CHD6: variants seen among roughly 807,000 people sequenced by gnomAD.
CHD6 encodes the protein chromodomain helicase DNA binding protein 6.
A neutral mutation model predicts 276.9 loss-of-function variants in CHD6; 50 were observed. That is an observed-to-expected ratio of 0.18 (90% CI 0.14 to 0.23). CHD6 has a LOEUF of 0.23. Among genes scored for constraint, CHD6 ranks in the 10% least tolerant of loss-of-function variants. The pLI is 1.00. For missense variants in CHD6, 2,564 were observed against 3,365.8 expected, an observed-to-expected ratio of 0.76 and a Z score of 5.89; for synonymous variants, 1,173 against 1,229.3, an observed-to-expected ratio of 0.95 and a Z score of 0.96.
intron 23 of CHD6, among the ~76,000 whole-genome samples, chr20:41,448,517 C>A (rs1045332452): frequency 6.6e-6 from 1 of 152,232 alleles, no homozygotes; most frequent in South Asian, 2.1e-4. Context: ...AGCAATTAAG[C>A]AAGTATTTGC....
intron 20 of CHD6, among the ~76,000 whole-genome samples, 194 bp from the exon 21 acceptor site, chr20:41,453,136 C>T (rs1023527507): frequency 2.0e-5 from 3 of 152,144 alleles, no homozygotes; most frequent in Non-Finnish European, 1.5e-5. Flanking sequence ...GGGACTTGCT[C>T]AAGTTGATGT....
At chr20:41,428,387 C>T (rs773480869) in intron 27 of CHD6, among the ~76,000 whole-genome samples, 10 of 152,266 alleles carry the variant, frequency 6.6e-5, no homozygotes, top group Middle Eastern at 3.4e-3. Flanking sequence ...TGCATCTGAA[C>T]TATGTAGTCT....
At chr20:41,538,224 G>A (rs959099748) in intron 2 of CHD6, among the ~76,000 whole-genome samples, 25 of 152,146 alleles carry the variant, frequency 1.6e-4, no homozygotes, top group South Asian at 2.1e-4. Flanking sequence ...GGTGGCATGC[G>A]CCTGTAATCC....
intron 1 of CHD6, among the ~76,000 whole-genome samples, chr20:41,555,388 G>A (rs1219690645): frequency 3.4e-4 from 50 of 148,528 alleles, no homozygotes; most frequent in Non-Finnish European, 5.3e-4. Flanking sequence ...CCTCCCGGAC[G>A]GGGCGGCTGG....
At position 41,483,425 on chromosome 20, in the gene CHD6, C is replaced by T. The variant is rs2043339651; in HGVS notation, c.2352G>A (p.Lys784=). ...QLQAMIQAAG[K]LVLIDKLLPK... is the part of the protein sequence containing the mutation. ...GGAGTAGTTTATCAATCAACACAAGCTTTCCTGCTGCCTGAATCATGGCCT... is the reference window on the plus strand; with the variant it reads ...GGAGTAGTTTATCAATCAACACAAGTTTTCCTGCTGCCTGAATCATGGCCT... The change falls in exon 16 of 37, where the codon AAG becomes AAA. Residue 784 remains lysine (K), a synonymous_variant. Coordinates refer to ENST00000373233, the MANE Select transcript of CHD6 (RefSeq NM_032221.5). 6.2e-7 allele frequency: 1 copy of T among 1,613,684 alleles called. No homozygotes were observed. The highest frequency in any genetic ancestry group is 8.5e-7 in the Non-Finnish European group (1 of 1,179,874).
chr20:41,604,524 C>T (rs529826470), intron 1 of CHD6, among the ~76,000 whole-genome samples: 233 of 152,316 alleles, frequency 1.5e-3, no homozygotes, highest in Non-Finnish European at 2.8e-3. Context: ...CTATGAAAAT[C>T]ATTTCCTAGT....
At chr20:41,433,578 A>C (rs531386124) in intron 27 of CHD6, among the ~76,000 whole-genome samples, 1 of 152,174 alleles carries the variant, frequency 6.6e-6, no homozygotes, top group Non-Finnish European at 1.5e-5. Context: ...ACCGTCTGAC[A>C]GTTCTCTAGA....
chr20:41,541,740 T>C (rs1406974232), intron 2 of CHD6, among the ~76,000 whole-genome samples: 2 of 152,192 alleles, frequency 1.3e-5, no homozygotes, highest in Non-Finnish European at 2.9e-5. Context: ...AGCAGGTAAG[T>C]GAAGCACTAA....
chr20:41,442,913 T>C (rs1223967345), intron 25 of CHD6, among the ~76,000 whole-genome samples: 1 of 152,216 alleles, frequency 6.6e-6, no homozygotes, highest in East Asian at 1.9e-4. Context: ...ACTAAACTGA[T>C]CTGGCCCTAT....
intron 23 of CHD6, among the ~76,000 whole-genome samples, chr20:41,450,114 TA>T (rs1407566003): frequency 6.6e-6 from 1 of 151,960 alleles, no homozygotes; most frequent in Non-Finnish European, 1.5e-5. Context: ...ACTTTATCTG[TA>T]AAAGAAAAAA....
At chr20:41,588,952 G>A (rs1370855495) in intron 1 of CHD6, among the ~76,000 whole-genome samples, 4 of 152,024 alleles carry the variant, frequency 2.6e-5, no homozygotes, top group East Asian at 1.9e-4. Flanking sequence ...GATGAACATC[G>A]ATGCAAAAAT....
intron 1 of CHD6, among the ~76,000 whole-genome samples, chr20:41,610,494 G>C (rs1396323422): frequency 6.6e-6 from 1 of 152,172 alleles, no homozygotes; most frequent in Non-Finnish European, 1.5e-5. Context: ...GGGTGCGGTA[G>C]CTCACGCCCG....
intron 17 of CHD6, among the ~76,000 whole-genome samples, chr20:41,472,578 A>G (rs1159717311): frequency 6.6e-6 from 1 of 152,184 alleles, no homozygotes; most frequent in African/African-American, 2.4e-5. Context: ...TATATTCCAT[A>G]TTGTCTTATT....
At chr20:41,514,710 G>A in intron 4 of CHD6, 95 bp downstream of exon 4, 1 of 1,394,214 alleles carries the variant, frequency 7.2e-7, no homozygotes, top group Non-Finnish European at 9.9e-7. Flanking sequence ...TAGGGAGTGT[G>A]CTAGAGAAAG....
At chr20:41,501,829 T>C (rs2043836953) in intron 5 of CHD6, among the ~76,000 whole-genome samples, 1 of 152,206 alleles carries the variant, frequency 6.6e-6, no homozygotes, top group African/African-American at 2.4e-5. Flanking sequence ...TGTCAGTCTT[T>C]AGCATGTTAG....
At chr20:41,474,288 G>A (rs537299214) in intron 16 of CHD6, among the ~76,000 whole-genome samples, 4 of 152,096 alleles carry the variant, frequency 2.6e-5, no homozygotes, top group African/African-American at 7.2e-5. Context: ...TAGAGGTAAG[G>A]GTAAAAGGAA....
Position 41,554,875 on chromosome 20 carries a change from T to C in CHD6, c.-23-3515A>G, listed in dbSNP as rs79736519. 3.9e-5 allele frequency among the ~76,000 whole-genome samples: 6 copies of C among 151,982 alleles called. No individual in the cohort carries two copies. In the East Asian group the frequency reaches 9.7e-4, roughly 25 times the overall value. Reference sequence around the variant, plus strand: ...CAAAACCGCCATTGTCATCATGGCCTGTTCTCAATGAGCTGTTGGGTACAC... The same window carrying C: ...CAAAACCGCCATTGTCATCATGGCCCGTTCTCAATGAGCTGTTGGGTACAC... On this transcript the variant is annotated intron_variant, in intron 1 of 36. Transcript: ENST00000373233.
chr20:41,533,591 A>C, intron 2 of CHD6, 21 bp from the exon 3 acceptor site: 1 of 1,575,660 alleles, frequency 6.3e-7, no homozygotes, highest in Non-Finnish European at 8.6e-7. Flanking sequence ...AAGAGAAACA[A>C]GCATATTACC....
chr20:41,554,795 CG>C (rs2045197306), intron 1 of CHD6, among the ~76,000 whole-genome samples: 1 of 152,196 alleles, frequency 6.6e-6, no homozygotes, highest in Admixed American at 6.5e-5. Context: ...TACACAGACA[CG>C]GCAACCATCC....
Sources: gnomAD v4.1 joint callset for allele counts (sites outside exome capture counted in the v4.1 genomes callset) on GRCh38, gnomAD v4.1.1 for gene constraint, MANE v1.5 for transcripts, NCBI Gene and HGNC (gene_info 2026-07-23, HGNC 2026-07-21) for gene names.